NME9: variants seen among roughly 807,000 people sequenced by gnomAD.
NME9 encodes thioredoxin domain-containing protein 6.
A neutral mutation model predicts 44.4 loss-of-function variants in NME9; 48 were observed. That is an observed-to-expected ratio of 1.08 (90% CI 0.86 to 1.37). The LOEUF (loss-of-function observed/expected upper bound fraction) is 1.37. NME9 is among the 40% of genes most tolerant of loss of function. NME9 has a pLI of 0.00. For missense variants in NME9, 325 were observed against 405.2 expected (o/e 0.80, Z 1.70); for synonymous variants, 139 against 147.1 (o/e 0.94, Z 0.40).
chr3:138,306,578 C>T (rs1415182970), intron 6 of NME9, 98 bp from the exon 7 acceptor site: 1 of 725,278 alleles, frequency 1.4e-6, no homozygotes, highest in African/African-American at 1.8e-5. Context: ...CTCCATTGCA[C>T]CAAGTGCCAG....
At chr3:138,318,244 T>C in intron 3 of NME9, 25 bp from the exon 4 acceptor site, 1 of 1,526,206 alleles carries the variant, frequency 6.6e-7, no homozygotes, top group Non-Finnish European at 9.1e-7. Context: ...TATCAGCAGG[T>C]ACCCTGGATG....
Position 138,329,608 on chromosome 3 carries a change from C to G in NME9, c.-273G>C. 1 of 1,310,840 alleles carries G rather than the reference C, an allele frequency of 7.6e-7. No homozygotes were observed. The highest frequency in any genetic ancestry group is 9.7e-7 in the Non-Finnish European group (1 of 1,031,704). 81.2% of individuals were successfully genotyped at this position (1,310,840 alleles called of 1,614,324 possible). ...GGGGATCTGCGAAGCCCCCTCCCCA[C>G]CCCGGAGCCGGCCAGGGGGCGCGCG... On this transcript the variant is annotated 5_prime_UTR_variant, in exon 1 of 11. Coordinates refer to ENST00000333911, the MANE Select transcript of NME9 (RefSeq NM_001349018.2).
intron 8 of NME9, among the ~76,000 whole-genome samples, chr3:138,281,280 A>G (rs2049892249): frequency 6.6e-6 from 1 of 151,248 alleles, no homozygotes; most frequent in Non-Finnish European, 1.5e-5. Flanking sequence ...GAGTTGGCCC[A>G]ATAATTGATT....
chr3:138,318,523 G>A (rs1041473559), intron 3 of NME9, among the ~76,000 whole-genome samples: 12 of 151,938 alleles, frequency 7.9e-5, no homozygotes, highest in African/African-American at 2.9e-4. Context: ...CCGAGGTGAA[G>A]GTCCTCAGGC....
intron 2 of NME9, among the ~76,000 whole-genome samples, chr3:138,320,682 T>TGCACTGG (rs2053408569): frequency 6.6e-6 from 1 of 152,208 alleles, no homozygotes; most frequent in Non-Finnish European, 1.5e-5. Context: ...AGAGATGACC[T>TGCACTGG]GCACTGGGCA....
rs990493316 is a variant in NME9 at position 138,291,144 on chromosome 3, C to T, written c.745+12363G>A. On this transcript the variant is annotated intron_variant, in intron 8 of 8. Transcript: ENST00000317876. ...GCTAACCTCAAAATAGCCATAAATG[C>T]TCTTCCTAGCTGTGTGTTCTCCCTT... 1.5e-4 allele frequency among the ~76,000 whole-genome samples: 23 copies of T among 152,322 alleles called. No homozygotes were observed. In the East Asian group the frequency reaches 4.4e-3, roughly 29 times the overall value.
Position 138,290,443 on chromosome 3 carries a change from G to A in NME9, c.745+13064C>T, listed in dbSNP as rs540414543. 170 of 813,228 alleles carry A rather than the reference G, an allele frequency of 2.1e-4. No individual in the cohort carries two copies. The African/African-American group carries it at 2.6e-3, about 13-fold the overall frequency. 50.4% of individuals were successfully genotyped at this position (813,228 alleles called of 1,614,324 possible). On this transcript the variant is annotated intron_variant, in intron 8 of 8. Transcript: ENST00000317876. ...GTAGAGGACAAGGGGTACAGGAGGA[G>A]TAGGGAGTGAAGGACACTGGTAAGG... is the stretch of plus-strand genomic sequence containing the variant.
chr3:138,312,697 A>C (rs1481742179), intron 6 of NME9, among the ~76,000 whole-genome samples: 1 of 152,240 alleles, frequency 6.6e-6, no homozygotes, highest in African/African-American at 2.4e-5. Context: ...TGGTCTGAAC[A>C]AAGATTTTTT....
At chr3:138,267,085 T>C in intron 8 of NME9, 1 of 803,534 alleles carries the variant, frequency 1.2e-6, no homozygotes, top group East Asian at 2.8e-5. Flanking sequence ...TTATTTATAT[T>C]TTATATCTCA....
downstream of NME9, chr3:138,296,029 G>T: frequency 1.4e-6 from 1 of 702,492 alleles, no homozygotes. Context: ...CAGTTTAGTA[G>T]GCTTAGATCT....
At chr3:138,273,331 A>G (rs763406238) in intron 8 of NME9, among the ~76,000 whole-genome samples, 1 of 152,120 alleles carries the variant, frequency 6.6e-6, no homozygotes, top group East Asian at 1.9e-4. Flanking sequence ...CCACTCCTAC[A>G]CTGCTTATCC....
intron 8 of NME9, among the ~76,000 whole-genome samples, chr3:138,293,520 C>T (rs2051185673): frequency 6.6e-6 from 1 of 151,318 alleles, no homozygotes; most frequent in Non-Finnish European, 1.5e-5. Context: ...GCCTAGGCAA[C>T]AGAGCAAGAC....
downstream of NME9, chr3:138,296,128 G>A (rs530791341): frequency 1.3e-5 from 6 of 464,544 alleles, no homozygotes; most frequent in African/African-American, 6.0e-5. Flanking sequence ...TGAGCTACTC[G>A]GACTCTTTAT....
chr3:138,316,976 G>A (rs1470800206), intron 4 of NME9, among the ~76,000 whole-genome samples: 3 of 152,200 alleles, frequency 2.0e-5, no homozygotes, highest in Non-Finnish European at 2.9e-5. Flanking sequence ...TTCACATAGA[G>A]TGGGTCCTCC....
intron 6 of NME9, among the ~76,000 whole-genome samples, chr3:138,308,327 T>C (rs372835240): frequency 6.6e-6 from 1 of 152,200 alleles, no homozygotes; most frequent in African/African-American, 2.4e-5. Context: ...CCTCCTCTTA[T>C]CAACACAGTT....
intron 8 of NME9, among the ~76,000 whole-genome samples, chr3:138,277,843 T>C (rs186878556): frequency 3.9e-5 from 6 of 152,290 alleles, no homozygotes; most frequent in Non-Finnish European, 7.3e-5. Flanking sequence ...ACTTTATTTG[T>C]ATCATCAAAA....
chr3:138,290,632 T>C (rs1379377117), intron 8 of NME9: 10 of 1,597,238 alleles, frequency 6.3e-6, no homozygotes, highest in African/African-American at 1.3e-5. Context: ...TTCAAACCTT[T>C]GTGACAAGTG....
chr3:138,325,484 A>G (rs1333902432), intron 1 of NME9, among the ~76,000 whole-genome samples: 1 of 151,722 alleles, frequency 6.6e-6, no homozygotes, highest in African/African-American at 2.4e-5. Context: ...GCTCACTGCA[A>G]CCTCTGCTCT....
Position 138,329,628 on chromosome 3 carries a change from C to A in NME9, c.-293G>T. The A allele has an allele frequency of 7.8e-7, 1 of 1,274,854 alleles. No individual in the cohort carries two copies. The highest frequency in any genetic ancestry group is 2.1e-5 in the South Asian group (1 of 46,576). The allele number at this position is 1,274,854 out of a possible 1,614,324, so 79.0% of individuals were successfully genotyped here. ...CCCCACCCCGGAGCCGGCCAGGGGG[C>A]GCGCGCAGAGGCCGGAGTCAGTGCG... On this transcript the variant is annotated 5_prime_UTR_variant, in exon 1 of 11. Transcript: ENST00000333911.
Sources: gnomAD v4.1 joint callset for allele counts (sites outside exome capture counted in the v4.1 genomes callset) on GRCh38, gnomAD v4.1.1 for gene constraint, MANE v1.5 for transcripts, NCBI Gene and HGNC (gene_info 2026-07-23, HGNC 2026-07-21) for gene names.